The following USP44 variants were observed in gnomAD, a reference collection of about 807,000 sequenced individuals.
USP44 encodes ubiquitin specific peptidase 44, also known as ubiquitin carboxyl-terminal hydrolase 44.
A neutral mutation model predicts 69.0 loss-of-function variants in USP44; 61 were observed. The observed-to-expected ratio is 0.88, with a 90% CI of 0.72 to 1.09. USP44 has a LOEUF of 1.09. Ranked by LOEUF, USP44 falls within the 50% of genes least tolerant of loss-of-function variation. The pLI is 0.00. For synonymous variants in USP44, 297 were observed against 295.4 expected (o/e 1.01, Z -0.06); for missense variants, 753 against 849.9 (o/e 0.89, Z 1.42).
At chr12:95,529,315 C>T (rs977667841) in intron 2 of USP44, among the ~76,000 whole-genome samples, 1 of 151,862 alleles carries the variant, frequency 6.6e-6, no homozygotes, top group Non-Finnish European at 1.5e-5. Context: ...TACATATATA[C>T]ATATATACAT....
chr12:95,543,966 C>CAA (rs760105964), intron 1 of USP44, among the ~76,000 whole-genome samples: 240 of 47,362 alleles, frequency 5.1e-3, no homozygotes, highest in Non-Finnish European at 6.1e-3. Context: ...GACTGCATCT[C>CAA]AAAAAAAAAA....
Position 95,531,554 on chromosome 12 carries a change from G to A in USP44, c.1428+1275C>T, listed in dbSNP as rs2077020760. 2.0e-5 allele frequency among the ~76,000 whole-genome samples: 3 copies of A among 152,036 alleles called. No homozygotes were observed. In the South Asian group the frequency reaches 6.2e-4, roughly 31 times the overall value. On this transcript the variant is annotated intron_variant, in intron 2 of 5. Coordinates refer to ENST00000258499, the MANE Select transcript of USP44 (RefSeq NM_032147.5). ...GTATTTTAAAACTTTTGCATAAAAA[G>A]GAAATGACAGAGAAAGATGGAGAAG...
chr12:95,541,874 A>ATTTTTTTTTTTTTTTTTTTTTTTT (rs34060895), intron 1 of USP44, among the ~76,000 whole-genome samples: 1 of 99,560 alleles, frequency 1.0e-5, no homozygotes. Context: ...TATCATCTCC[A>ATTTTTTTTTTTTTTTTTTTTTTTT]TTTTTTTTTT....
At chr12:95,521,406 GA>G (rs917468509) in intron 4 of USP44, among the ~76,000 whole-genome samples, 33 of 151,822 alleles carry the variant, frequency 2.2e-4, no homozygotes, top group Admixed American at 8.5e-4. Context: ...GATAATGTAG[GA>G]AAAAAAAATT....
chr12:95,536,355 G>A (rs561010875), intron 1 of USP44, among the ~76,000 whole-genome samples: 2 of 151,760 alleles, frequency 1.3e-5, no homozygotes, highest in African/African-American at 4.8e-5. Context: ...CATTTCACAC[G>A]TTTTAAGTGC....
At chr12:95,537,520 T>C (rs2077246320) in intron 1 of USP44, among the ~76,000 whole-genome samples, 2 of 152,126 alleles carry the variant, frequency 1.3e-5, no homozygotes, top group Non-Finnish European at 2.9e-5. Context: ...GGTTTCACCA[T>C]GTTGGCCAGG....
chr12:95,528,849 C>A lies in USP44; in HGVS notation c.1582G>T (p.Glu528Ter). 1.9e-6 allele frequency: 3 copies of A among 1,614,026 alleles called. No individual in the cohort carries two copies. The highest frequency in any genetic ancestry group is 2.5e-6 in the Non-Finnish European group (3 of 1,179,980). The change falls in exon 3 of 6, where the codon GAA (glutamate) becomes TAA (stop). Residue 528 changes from glutamate (E) to a stop codon, truncating the protein, a stop_gained. Transcript: ENST00000258499. LOFTEE classifies it high-confidence loss of function. ...TEMLAKFTET[E>*]ALEGKIYVCD... is the part of the protein sequence containing the mutation. Reference sequence around the variant, plus strand: ...ACGTAGATTTTTCCTTCTAAAGCTTCAGTTTCTGTAAATTTGGCCAACATT... The same window carrying A: ...ACGTAGATTTTTCCTTCTAAAGCTTAAGTTTCTGTAAATTTGGCCAACATT...
In USP44 at chr12:95,521,524, C is replaced by T. The variant is rs116415031; in HGVS notation, c.1734-322G>A. Among the ~76,000 whole-genome samples, 199 of 152,246 alleles carry T rather than the reference C, an allele frequency of 1.3e-3. 1 individual carries two copies. The highest frequency in any genetic ancestry group is 4.3e-3 in the African/African-American group (179 of 41,532). ...TTTTTGTTTTTTGTTGTTTTTGAGA[C>T]GGAGTCTTGCTCTGTTACCTAGGCT... On this transcript the variant is annotated intron_variant, in intron 4 of 5. Transcript: ENST00000258499.
At position 95,533,365 on chromosome 12, in the gene USP44, GA is replaced by G. The variant is rs771603599; in HGVS notation, c.891del (p.Arg298AspfsTer5). On this transcript the variant is annotated frameshift_variant, in exon 2 of 6. Transcript: ENST00000258499. LOFTEE classifies it high-confidence loss of function. ...VLQVLSHLLI[F>X]RQCFLKLDLN... ...AGATCAAGCTTTAAAAAACATTGTC[GA>G]AAAATAAGTAAATGACTCAACACCT... 1.2e-6 allele frequency: 2 copies of G among 1,612,904 alleles called. No homozygotes were observed. Among genetic ancestry groups the G allele is most frequent in the Non-Finnish European group, 1.7e-6 (2 of 1,179,430 alleles).
chr12:95,549,570 C>A (rs1269207908), intron 1 of USP44, among the ~76,000 whole-genome samples: 1 of 152,178 alleles, frequency 6.6e-6, no homozygotes, highest in Non-Finnish European at 1.5e-5. Context: ...TACTCAATGA[C>A]AAAGCAGTTC....
In USP44 at chr12:95,518,241, ATG is replaced by A. The variant is rs2076537871; in HGVS notation, c.2050_2051del (p.His684PhefsTer2). On this transcript the variant is annotated frameshift_variant, in exon 6 of 6. Transcript: ENST00000258499. LOFTEE classifies it high-confidence loss of function. ...FYTQRVTENG[H>X]SKLLPPELLL... is the part of the protein sequence containing the mutation. The stretch of plus-strand genomic sequence containing the variant: ...GGAGCTCTGGAGGCAAAAGTTTAGA[ATG>A]TCCATTCTCAGTAACTCGTTGGGTA... 6 of 1,614,190 alleles carry A rather than the reference ATG, an allele frequency of 3.7e-6. No homozygotes were observed. The highest frequency in any genetic ancestry group is 5.1e-6 in the Non-Finnish European group (6 of 1,180,026).
Position 95,524,697 on chromosome 12 carries a change from C to T in USP44, c.1716G>A (p.Leu572=). 6.2e-7 allele frequency: 1 copy of T among 1,610,820 alleles called. No homozygotes were observed. Among genetic ancestry groups the T allele is most frequent in the Non-Finnish European group, 8.5e-7 (1 of 1,178,834 alleles). The change falls in exon 4 of 6, where the codon CTG becomes CTA. Residue 572 remains leucine, a synonymous_variant. Coordinates refer to ENST00000258499, the MANE Select transcript of USP44 (RefSeq NM_032147.5). ...MICHLPQVLR[L]HLKRFRWSGR... is the part of the protein sequence containing the mutation. ...CTACAGACCTGAATCGTTTGAGGTG[C>T]AGTCTGAGAACCTGAGGTAGGTGGC...
intron 4 of USP44, among the ~76,000 whole-genome samples, chr12:95,523,948 C>T (rs913622259): frequency 2.0e-5 from 3 of 152,048 alleles, no homozygotes; most frequent in African/African-American, 7.2e-5. Context: ...ATGATGTTGG[C>T]TCACTGCAAC....
chr12:95,543,694 C>T (rs1055578642), intron 1 of USP44, among the ~76,000 whole-genome samples: 56 of 151,600 alleles, frequency 3.7e-4, no homozygotes, highest in African/African-American at 9.7e-5. Context: ...AGGCCGGGCG[C>T]GGTGGCTCAC....
intron 1 of USP44, among the ~76,000 whole-genome samples, chr12:95,541,462 C>T (rs2077387105): frequency 6.6e-6 from 1 of 151,822 alleles, no homozygotes; most frequent in South Asian, 2.1e-4. Flanking sequence ...GCCTATAAGC[C>T]CAGCTACTCG....
chr12:95,541,824 A>T (rs2077398996), intron 1 of USP44, among the ~76,000 whole-genome samples: 1 of 151,508 alleles, frequency 6.6e-6, no homozygotes, highest in African/African-American at 2.4e-5. Context: ...TCATCCTCCA[A>T]GGTCCAACTC....
rs559016814 is a variant in USP44, at chr12:95,518,016, A to G, written c.*138T>C. ...TGATATATACATTTATACTTTGTAA[A>G]AAAAAAAATTGTTAGATATAAAATG... On this transcript the variant is annotated 3_prime_UTR_variant, in exon 6 of 6. Transcript: ENST00000258499. 4.2e-6 allele frequency: 4 copies of G among 943,004 alleles called. No homozygotes were observed. In the African/African-American group the frequency reaches 5.0e-5, roughly 12 times the overall value. 58.4% of individuals were successfully genotyped at this position (943,004 alleles called of 1,614,324 possible).
chr12:95,528,674 A>G, intron 3 of USP44, 133 bp downstream of exon 3: 1 of 866,716 alleles, frequency 1.2e-6, no homozygotes. Context: ...TAAAGTGAAA[A>G]CGTCTGTTTC....
intron 5 of USP44, among the ~76,000 whole-genome samples, chr12:95,519,432 A>ACTTTTTTTTTTTTTTTT (rs199606254): frequency 1.2e-5 from 1 of 84,544 alleles, no homozygotes. Flanking sequence ...CTCAATCTGT[A>ACTTTTTTTTTTTTTTTT]TTTTTTTTTT....
Sources: gnomAD v4.1 joint callset for allele counts (sites outside exome capture counted in the v4.1 genomes callset) on GRCh38, gnomAD v4.1.1 for gene constraint, MANE v1.5 for transcripts, NCBI Gene and HGNC (gene_info 2026-07-23, HGNC 2026-07-21) for gene names.